The following CLEC12A variants were observed in gnomAD, a reference collection of about 807,000 sequenced individuals.
CLEC12A encodes C-type lectin protein CLL-1.
Under a neutral mutation model 26.5 loss-of-function variants are expected in CLEC12A, and 22 were observed. The ratio of observed to expected loss-of-function variants is 0.83; its 90% CI spans 0.59 to 1.19. The LOEUF is 1.19. Among genes scored for constraint, CLEC12A ranks in the 50% most tolerant of loss-of-function variants. CLEC12A has a pLI of 0.00. For missense variants in CLEC12A, 353 were observed against 315.6 expected, an observed-to-expected ratio of 1.12 and a Z score of -0.90; for synonymous variants, 119 against 101.9, an observed-to-expected ratio of 1.17 and a Z score of -1.01.
intron 1 of CLEC12A, among the ~76,000 whole-genome samples, chr12:9,973,305 A>T (rs1383285643): frequency 1.3e-5 from 2 of 151,958 alleles, no homozygotes; most frequent in African/African-American, 4.8e-5. Context: ...TATAAAAAAA[A>T]AATTTTTTTA....
At chr12:9,958,874 C>T (rs1863784666) in intron 1 of CLEC12A, among the ~76,000 whole-genome samples, 1 of 152,134 alleles carries the variant, frequency 6.6e-6, no homozygotes. Flanking sequence ...TTTACTAAGC[C>T]TCCAGAGGAA....
chr12:9,995,481 CT>C, exon 5 of CLEC12A: 1 of 449,614 alleles, frequency 2.2e-6, no homozygotes, highest in Non-Finnish European at 4.1e-6. Flanking sequence ...TTCTAATCTT[CT>C]TTTGTGTTTA....
intron 1 of CLEC12A, among the ~76,000 whole-genome samples, chr12:9,966,152 A>G (rs1029550028): frequency 3.9e-5 from 6 of 152,186 alleles, no homozygotes; most frequent in African/African-American, 1.2e-4. Flanking sequence ...AAGCCTGGCC[A>G]TCAGTACTTA....
At chr12:9,973,315 A>T (rs1864202534) in intron 1 of CLEC12A, among the ~76,000 whole-genome samples, 1 of 151,944 alleles carries the variant, frequency 6.6e-6, no homozygotes, top group Non-Finnish European at 1.5e-5. Flanking sequence ...AAATTTTTTT[A>T]ATTAACTGGG....
chr12:9,986,422 C>G (rs704230), downstream of CLEC12A, among the ~76,000 whole-genome samples: 13,741 of 137,056 alleles, frequency 0.1, 923 homozygotes, highest in South Asian at 0.37. Flanking sequence ...TATCCCCCCC[C>G]CCCTTTTTTT....
chr12:9,963,808 C>T (rs1863879801), intron 1 of CLEC12A, among the ~76,000 whole-genome samples: 1 of 152,128 alleles, frequency 6.6e-6, no homozygotes, highest in Admixed American at 6.5e-5. Context: ...GTGTCTTGTA[C>T]CCAGACTCCT....
Position 9,985,293 on chromosome 12 carries a change from G to T in CLEC12A, c.*267G>T. On this transcript the variant is annotated 3_prime_UTR_variant, in exon 6 of 6. Coordinates refer to ENST00000304361, the MANE Select transcript of CLEC12A (RefSeq NM_138337.6). ...AGGAAGTCCATTCAGATAGTTGTGG[G>T]GGGCCTTCGAATTTTCATTTTCATT... 2.5e-6 allele frequency: 1 copy of T among 402,152 alleles called. No individual in the cohort carries two copies. Among genetic ancestry groups the T allele is most frequent in the Non-Finnish European group, 4.3e-6 (1 of 230,604 alleles). 24.9% of individuals were successfully genotyped at this position (402,152 alleles called of 1,614,324 possible).
chr12:9,963,893 TC>T (rs1446211819), intron 1 of CLEC12A, among the ~76,000 whole-genome samples: 4 of 152,126 alleles, frequency 2.6e-5, no homozygotes, highest in Non-Finnish European at 5.9e-5. Flanking sequence ...AGGGGGAGGT[TC>T]GATTTTCATG....
At chr12:9,983,293 G>A (rs1228581693) in intron 5 of CLEC12A, among the ~76,000 whole-genome samples, 5 of 152,004 alleles carry the variant, frequency 3.3e-5, no homozygotes, top group Non-Finnish European at 2.9e-5. Flanking sequence ...TTTAAAGACT[G>A]GTTTAGAAGA....
upstream of CLEC12A, among the ~76,000 whole-genome samples, chr12:9,967,842 C>A (rs973107935): frequency 2.0e-5 from 3 of 152,160 alleles, no homozygotes; most frequent in Non-Finnish European, 2.9e-5. Flanking sequence ...GGTGAAGGAC[C>A]AAGGCAGGTG....
chr12:9,953,835 A>G (rs1283615412), intron 1 of CLEC12A, among the ~76,000 whole-genome samples: 1 of 152,150 alleles, frequency 6.6e-6, no homozygotes, highest in Non-Finnish European at 1.5e-5. Context: ...AGAAGTAGAC[A>G]TGGGAGACTT....
chr12:9,981,623 A>C (rs911477981), intron 4 of CLEC12A, among the ~76,000 whole-genome samples: 11 of 152,160 alleles, frequency 7.2e-5, no homozygotes, highest in Admixed American at 2.0e-4. Flanking sequence ...GTAACCACTC[A>C]CATCTGAGTG....
At chr12:9,992,008 G>A (rs1442986657) in intron 4 of CLEC12A, 1 of 151,946 alleles carries the variant, frequency 6.6e-6, no homozygotes, top group African/African-American at 2.4e-5. Context: ...TTCCTATTTG[G>A]TTTCTCTATG....
At chr12:9,994,977 A>T in intron 4 of CLEC12A, 1 of 1,513,898 alleles carries the variant, frequency 6.6e-7, no homozygotes, top group Non-Finnish European at 8.9e-7. Flanking sequence ...GAGAGAGGGG[A>T]AAGAATTGTC....
chr12:9,975,740 G>C (rs1259101246), intron 1 of CLEC12A, among the ~76,000 whole-genome samples: 4 of 152,190 alleles, frequency 2.6e-5, no homozygotes, highest in Non-Finnish European at 5.9e-5. Context: ...TGGGGAAAAT[G>C]ACTCCAGGGC....
the CLEC12A span, among the ~76,000 whole-genome samples, chr12:10,001,561 G>A: frequency 4.6e-5 from 7 of 152,196 alleles, no homozygotes; most frequent in East Asian, 1.9e-4. Flanking sequence ...CAAGCTGAGC[G>A]AAGACAGAGA....
intron 1 of CLEC12A, among the ~76,000 whole-genome samples, chr12:9,963,951 T>C (rs1214295418): frequency 1.3e-5 from 2 of 152,134 alleles, no homozygotes; most frequent in Non-Finnish European, 2.9e-5. Context: ...TTCACTGTTA[T>C]TTATGGGGCT....
chr12:9,969,075 T>C (rs1200456369), upstream of CLEC12A, among the ~76,000 whole-genome samples: 3 of 152,094 alleles, frequency 2.0e-5, no homozygotes, highest in African/African-American at 7.2e-5. Flanking sequence ...GAGAGTAGAA[T>C]TGTGGTTACC....
upstream of CLEC12A, among the ~76,000 whole-genome samples, chr12:9,969,069 G>A (rs1243212651): frequency 1.3e-5 from 2 of 152,190 alleles, no homozygotes; most frequent in South Asian, 4.1e-4. Context: ...GAAGCAGAGA[G>A]TAGAATTGTG....
Sources: allele counts gnomAD v4.1 joint callset (sites outside exome capture counted in the v4.1 genomes callset), GRCh38; gene constraint gnomAD v4.1.1; transcripts MANE v1.5; gene names NCBI Gene and HGNC (gene_info 2026-07-23, HGNC 2026-07-21).